Variants in ETV5 observed in about 807,000 individuals in gnomAD.
ETV5 encodes ETS variant transcription factor 5, also known as ETS translocation variant 5.
ETV5 carries 10 observed loss-of-function variants against 70.0 expected under a neutral mutation model. The observed-to-expected ratio is 0.14, with a 90% confidence interval of 0.09 to 0.24. The LOEUF (loss-of-function observed/expected upper bound fraction) is 0.24, where lower values mean the gene tolerates loss of function less well. Ranked by LOEUF, ETV5 falls within the 10% of genes least tolerant of loss-of-function variation. The pLI is 1.00. For synonymous variants in ETV5, 216 were observed against 242.2 expected, an observed-to-expected ratio of 0.89 and a Z score of 1.01; for missense variants, 453 against 651.2, an observed-to-expected ratio of 0.70 and a Z score of 3.31.
At chr3:186,103,644 C>T (rs1714519172) in intron 5 of ETV5, among the ~76,000 whole-genome samples, 1 of 151,316 alleles carries the variant, frequency 6.6e-6, no homozygotes, top group Non-Finnish European at 1.5e-5. Context: ...CACACACACA[C>T]ACACACACAC....
Position 186,047,102 on chromosome 3 carries a change from G to T in ETV5, c.*1537C>A, listed in dbSNP as rs1449662828. The T allele has an allele frequency of 1.8e-5, 4 of 228,314 alleles. No individual in the cohort carries two copies. The highest frequency in any genetic ancestry group is 2.6e-5 in the Non-Finnish European group (3 of 114,718). 14.1% of individuals were successfully genotyped at this position (228,314 alleles called of 1,614,324 possible). On this transcript the variant is annotated 3_prime_UTR_variant, in exon 13 of 13. Transcript: ENST00000306376. ...GCCTCCTTCACATACGAGGAACAGT[G>T]TAGTCATTCTTAATGTACTAAGTGT...
In ETV5 at chr3:186,060,296, C is replaced by CT. The variant is rs1358125597; in HGVS notation, c.971-2806dup. 2.6e-5 allele frequency among the ~76,000 whole-genome samples: 4 copies of CT among 152,184 alleles called. No individual in the cohort carries two copies. The East Asian group carries it at 7.7e-4, about 29-fold the overall frequency. ...CAAAGCTAATCAGATGAAGGTCTGCCTATAAGAAGTATCACTGCGGTGTAT... is the reference window on the plus strand; with the variant it reads ...CAAAGCTAATCAGATGAAGGTCTGCCTTATAAGAAGTATCACTGCGGTGTAT... On this transcript the variant is annotated intron_variant, in intron 9 of 12. Coordinates refer to ENST00000306376, the MANE Select transcript of ETV5 (RefSeq NM_004454.3).
chr3:186,102,091 T>C (rs965129701), intron 5 of ETV5, among the ~76,000 whole-genome samples: 1 of 152,140 alleles, frequency 6.6e-6, no homozygotes, highest in African/African-American at 2.4e-5. Context: ...TAAGGATGTA[T>C]CCCTATGGGC....
chr3:186,105,968 A>C lies in ETV5; in HGVS notation c.-74-26T>G, dbSNP rs776480568. 6.1e-6 allele frequency: 9 copies of C among 1,476,838 alleles called. No individual in the cohort carries two copies. Among genetic ancestry groups the C allele is most frequent in the Non-Finnish European group, 6.5e-6 (7 of 1,079,548 alleles). The allele number at this position is 1,476,838 out of a possible 1,614,324, so 91.5% of individuals were successfully genotyped here. On this transcript the variant is annotated intron_variant, in intron 1 of 12. Transcript: ENST00000306376. The surrounding 1 kb of genome is among the most constrained non-coding windows in gnomAD (Gnocchi z 4.5). ...CTGTAATATGAATTTGGGAGATTTT[A>C]ACTAAGAGGGGGGAAAAAAAGAAAT...
rs746372554 is a variant in ETV5, at chr3:186,048,878, C to T, written c.1312-18G>A. The T allele has an allele frequency of 1.0e-5, 16 of 1,601,782 alleles. No homozygotes were observed. The highest frequency in any genetic ancestry group is 1.3e-5 in the Non-Finnish European group (15 of 1,170,224). On this transcript the variant is annotated intron_variant, in intron 12 of 12. Coordinates refer to ENST00000306376, the MANE Select transcript of ETV5 (RefSeq NM_004454.3). ...CCAGCCACCTGCGGGAGAACACACA[C>T]CTTACAGGGCCCAGTTGGAACAGGG...
intron 5 of ETV5, among the ~76,000 whole-genome samples, chr3:186,102,169 G>GA (rs983449827): frequency 1.8e-4 from 26 of 140,612 alleles, no homozygotes; most frequent in South Asian, 1.5e-3. Context: ...AGTGTTTAGA[G>GA]AAAAAAAAAA....
intron 7 of ETV5, among the ~76,000 whole-genome samples, chr3:186,072,371 CAA>C (rs11418453): frequency 1.5e-5 from 2 of 136,450 alleles, no homozygotes; most frequent in Non-Finnish European, 1.6e-5. Flanking sequence ...GACTCTATCT[CAA>C]AAAAAAAAAG....
intron 5 of ETV5, among the ~76,000 whole-genome samples, chr3:186,097,189 T>C (rs1714325828): frequency 1.3e-5 from 2 of 152,200 alleles, no homozygotes; most frequent in African/African-American, 2.4e-5. Context: ...ATTTGATTAG[T>C]GTCCAGTGGA....
chr3:186,059,012 C>CAA (rs1407821740), intron 9 of ETV5, among the ~76,000 whole-genome samples: 49 of 88,016 alleles, frequency 5.6e-4, no homozygotes, highest in African/African-American at 1.9e-3. Context: ...GGCTCTGTCT[C>CAA]AAAAAAAAAA....
intron 9 of ETV5, among the ~76,000 whole-genome samples, chr3:186,058,813 A>C (rs1269789826): frequency 6.6e-6 from 1 of 152,130 alleles, no homozygotes; most frequent in Non-Finnish European, 1.5e-5. Flanking sequence ...CAGGAGTTCG[A>C]GACCAGCCTG....
At chr3:186,075,419 T>C (rs921893489) in intron 7 of ETV5, among the ~76,000 whole-genome samples, 5 of 152,144 alleles carry the variant, frequency 3.3e-5, no homozygotes, top group Non-Finnish European at 5.9e-5. Flanking sequence ...AAAAAATGAA[T>C]AGCAATTTAC....
intron 5 of ETV5, among the ~76,000 whole-genome samples, chr3:186,104,526 G>A (rs924573382): frequency 6.6e-6 from 1 of 152,050 alleles, no homozygotes; most frequent in Non-Finnish European, 1.5e-5. Context: ...CAACATGTTG[G>A]ATGAAGCCAA....
chr3:186,055,728 T>C (rs542817247), intron 11 of ETV5, among the ~76,000 whole-genome samples: 4 of 152,350 alleles, frequency 2.6e-5, no homozygotes, highest in African/African-American at 9.6e-5. Context: ...TAGACCACTT[T>C]CTTGTTCCAA....
intron 5 of ETV5, chr3:186,095,169 A>C (rs1714275592): frequency 6.6e-6 from 1 of 152,272 alleles, no homozygotes; most frequent in African/African-American, 2.4e-5. Context: ...AAGAGGTCTA[A>C]GGAAACCCTT....
intron 5 of ETV5, among the ~76,000 whole-genome samples, chr3:186,091,216 G>A: frequency 6.6e-6 from 1 of 152,214 alleles, no homozygotes; most frequent in East Asian, 1.9e-4. Context: ...TTGGGATAGG[G>A]TTTGCTATTA....
intron 7 of ETV5, among the ~76,000 whole-genome samples, chr3:186,071,805 G>A (rs1560049421): frequency 6.7e-6 from 1 of 150,320 alleles, no homozygotes; most frequent in Non-Finnish European, 1.5e-5. Context: ...ACCTGTAACC[G>A]TTTCACCGTT....
At position 186,098,978 on chromosome 3, in the gene ETV5, C is replaced by A. The variant is rs533779899; in HGVS notation, c.232+6327G>T. Among the ~76,000 whole-genome samples the A allele has an allele frequency of 1.1e-4, 16 of 152,304 alleles. No homozygotes were observed. The South Asian group carries it at 3.1e-3, about 30-fold the overall frequency. On this transcript the variant is annotated intron_variant, in intron 5 of 12. Transcript: ENST00000306376. Reference sequence around the variant, plus strand: ...GTTCAGATCAGCCTCAAACTCCTGGCCTTTTAATAACTAGATCTTATCCTG... The same window carrying A: ...GTTCAGATCAGCCTCAAACTCCTGGACTTTTAATAACTAGATCTTATCCTG...
chr3:186,068,625 G>A (rs1713513928), intron 7 of ETV5, among the ~76,000 whole-genome samples: 1 of 152,188 alleles, frequency 6.6e-6, no homozygotes. Context: ...CCGTGCCTTA[G>A]TAGGGAAGTG....
At chr3:186,055,914 C>G (rs1435128049) in intron 11 of ETV5, among the ~76,000 whole-genome samples, 11 of 152,252 alleles carry the variant, frequency 7.2e-5, no homozygotes, top group Admixed American at 3.9e-4. Flanking sequence ...CCCAAAGATG[C>G]CTTTTGATCT....
Sources: allele counts gnomAD v4.1 joint callset (sites outside exome capture counted in the v4.1 genomes callset), GRCh38; gene constraint gnomAD v4.1.1; non-coding constraint Gnocchi (gnomAD v3.1); transcripts MANE v1.5; gene names NCBI Gene and HGNC (gene_info 2026-07-23, HGNC 2026-07-21).